The following ENKUR variants were observed in gnomAD, a reference collection of about 807,000 sequenced individuals.
ENKUR encodes enkurin, TRPC channel interacting protein, also known as enkurin.
ENKUR carries 19 observed loss-of-function variants against 27.6 expected under a neutral mutation model. The observed-to-expected ratio is 0.69, with a 90% CI of 0.48 to 1.01. The LOEUF (loss-of-function observed/expected upper bound fraction) is 1.01, where lower values mean the gene tolerates loss of function less well. Ranked by LOEUF, ENKUR falls within the 50% of genes least tolerant of loss-of-function variation. The probability of loss-of-function intolerance (pLI) is 0.00; values close to 1 mark genes in which losing one functional copy is unlikely to be tolerated. For missense variants in ENKUR, 312 were observed against 310.5 expected (o/e 1.00, Z -0.04); for synonymous variants, 117 against 96.9 (o/e 1.21, Z -1.22).
At chr10:25,035,558 GGA>G (rs1491140495) in intron 2 of ENKUR, among the ~76,000 whole-genome samples, 3,042 of 134,590 alleles carry the variant, frequency 0.023, 82 homozygotes, top group African/African-American at 0.071. Context: ...TCTGTCTCAA[GGA>G]AAAAAAAAAA....
chr10:25,060,568 A>C (rs1006991236), intron 2 of ENKUR, among the ~76,000 whole-genome samples: 1 of 152,184 alleles, frequency 6.6e-6, no homozygotes, highest in African/African-American at 2.4e-5. Flanking sequence ...GTTTTCCAAG[A>C]GGGAACTTTT....
At chr10:25,002,952 CTT>C (rs1850222467) in intron 1 of ENKUR, among the ~76,000 whole-genome samples, 1 of 151,844 alleles carries the variant, frequency 6.6e-6, no homozygotes, top group Admixed American at 6.6e-5. Flanking sequence ...ACTTCCACCT[CTT>C]TTAAATTTGT....
At chr10:24,997,816 T>C (rs1306373017) in intron 2 of ENKUR, among the ~76,000 whole-genome samples, 3 of 151,404 alleles carry the variant, frequency 2.0e-5, no homozygotes, top group African/African-American at 7.3e-5. Context: ...TTTATATATA[T>C]ATATATATAT....
In ENKUR at chr10:24,984,280, G is replaced by A; in HGVS notation, c.*90C>T. ...TGCATTTGTGGAGCTCAGAAACAAT[G>A]TGTTGGAGACAGTTTAGAGTAGCAA... On this transcript the variant is annotated 3_prime_UTR_variant, in exon 6 of 6. Coordinates refer to ENST00000331161, the MANE Select transcript of ENKUR (RefSeq NM_145010.4). The A allele has an allele frequency of 1.4e-6, 2 of 1,387,904 alleles. No homozygotes were observed. Among genetic ancestry groups the A allele is most frequent in the Non-Finnish European group, 2.0e-6 (2 of 1,013,258 alleles). The allele number at this position is 1,387,904 out of a possible 1,614,324, so 86.0% of individuals were successfully genotyped here.
chr10:25,051,744 A>G (rs1021204054), intron 2 of ENKUR, among the ~76,000 whole-genome samples: 13 of 152,252 alleles, frequency 8.5e-5, no homozygotes, highest in African/African-American at 2.7e-4. Context: ...CAAATATCCA[A>G]ACTATATCAG....
intron 1 of ENKUR, among the ~76,000 whole-genome samples, chr10:25,011,795 C>T (rs138893027): frequency 4.1e-4 from 62 of 152,244 alleles, no homozygotes; most frequent in African/African-American, 1.4e-3. Context: ...CCCGATGATG[C>T]AATAGAAAAG....
rs993993357 is a variant in ENKUR, at chr10:24,982,690, T to A, written c.*1680A>T. The A allele has an allele frequency of 2.0e-5, 3 of 152,180 alleles. No individual in the cohort carries two copies. Among genetic ancestry groups the A allele is most frequent in the African/African-American group, 7.2e-5 (3 of 41,458 alleles). 9.4% of individuals were successfully genotyped at this position (152,180 alleles called of 1,614,324 possible). On this transcript the variant is annotated 3_prime_UTR_variant, in exon 6 of 6. Coordinates refer to ENST00000331161, the MANE Select transcript of ENKUR (RefSeq NM_145010.4). Reference sequence around the variant, plus strand: ...GTGTATGGATTGGGGGAGGTTGAACTGGCTCTATCCAAGTTTGGGATCCCG... The same window carrying A: ...GTGTATGGATTGGGGGAGGTTGAACAGGCTCTATCCAAGTTTGGGATCCCG...
chr10:25,058,040 G>A (rs949608232), intron 2 of ENKUR, among the ~76,000 whole-genome samples: 4 of 152,122 alleles, frequency 2.6e-5, no homozygotes, highest in Admixed American at 6.5e-5. Context: ...AAGAGTGGAC[G>A]GAGGTGAGTG....
intron 2 of ENKUR, among the ~76,000 whole-genome samples, chr10:25,032,942 A>G (rs1213528006): frequency 6.6e-6 from 1 of 152,164 alleles, no homozygotes; most frequent in African/African-American, 2.4e-5. Context: ...CTCTTAATAA[A>G]TTTATTTTAT....
rs1208301534 is a variant in ENKUR, at chr10:25,004,247, T to A, written c.78-4701A>T. Among the ~76,000 whole-genome samples the A allele has an allele frequency of 2.6e-5, 4 of 152,332 alleles. No individual in the cohort carries two copies. In the East Asian group the frequency reaches 5.8e-4, roughly 22 times the overall value. On this transcript the variant is annotated intron_variant, in intron 1 of 5. Coordinates refer to ENST00000331161, the MANE Select transcript of ENKUR (RefSeq NM_145010.4). The stretch of plus-strand genomic sequence containing the variant: ...GTGCTGCAATGAACCTAGGCATGCA[T>A]GTGTCTTTATAATAGAACAATTTCT...
chr10:24,984,380 C>CATA lies in ENKUR; in HGVS notation c.765-5_765-4insTAT. 4.0e-6 allele frequency: 5 copies of CATA among 1,237,202 alleles called. No homozygotes were observed. The highest frequency in any genetic ancestry group is 5.2e-6 in the Non-Finnish European group (5 of 969,380). The allele number at this position is 1,237,202 out of a possible 1,614,324, so 76.6% of individuals were successfully genotyped here. A position where few individuals can be genotyped will look rare whatever the true frequency, so the allele number is the denominator to read the frequency against. ...GTTGTGCTGTTGGTATCATGCGCTG[C>CATA]AGAAAAAAAAAAAAAAAAGTGAAGT... On this transcript the variant is annotated splice_polypyrimidine_tract_variant and splice_region_variant and intron_variant, in intron 5 of 5. Transcript: ENST00000331161.
chr10:24,990,671 G>A (rs771687309), intron 3 of ENKUR, 62 bp from the exon 4 acceptor site: 130 of 1,437,532 alleles, frequency 9.0e-5, no homozygotes, highest in Non-Finnish European at 1.1e-4. Context: ...ATATGGGTAC[G>A]TATCAACTGA....
At chr10:24,986,999 G>T (rs1564333976) in intron 4 of ENKUR, among the ~76,000 whole-genome samples, 1 of 152,084 alleles carries the variant, frequency 6.6e-6, no homozygotes, top group African/African-American at 2.4e-5. Flanking sequence ...TGCTCCTTTT[G>T]CACCCTCGCC....
upstream of ENKUR, among the ~76,000 whole-genome samples, chr10:25,020,469 A>G (rs1299674437): frequency 6.6e-6 from 1 of 152,126 alleles, no homozygotes; most frequent in Non-Finnish European, 1.5e-5. Context: ...GCGGAAGAAA[A>G]GATGAAAGAT....
At chr10:24,986,941 A>C (rs920386316) in intron 4 of ENKUR, among the ~76,000 whole-genome samples, 1 of 152,082 alleles carries the variant, frequency 6.6e-6, no homozygotes, top group African/African-American at 2.4e-5. Flanking sequence ...TTTTGGAAAA[A>C]ATTCAGACAG....
At chr10:25,024,892 G>A (rs1387475949) in intron 2 of ENKUR, 2 of 1,613,782 alleles carry the variant, frequency 1.2e-6, no homozygotes, top group Admixed American at 3.3e-5. Flanking sequence ...AAGAAAACTA[G>A]CACAAACCTT....
rs76044238 is a variant in ENKUR at position 25,006,683 on chromosome 10, G to A, written c.78-7137C>T. Among the ~76,000 whole-genome samples the A allele has an allele frequency of 3.4e-4, 52 of 152,204 alleles. No homozygotes were observed. In the Middle Eastern group the frequency reaches 0.01, roughly 30 times the overall value. On this transcript the variant is annotated intron_variant, in intron 1 of 5. Transcript: ENST00000331161. Reference sequence around the variant, plus strand: ...TTAGAACAAGGTTGTGTATAAACACGAAATAGTATCTGATATATAATAAAT... The same window carrying A: ...TTAGAACAAGGTTGTGTATAAACACAAAATAGTATCTGATATATAATAAAT...
chr10:25,013,422 C>A (rs1204653516), intron 1 of ENKUR, among the ~76,000 whole-genome samples: 1 of 152,170 alleles, frequency 6.6e-6, no homozygotes, highest in Non-Finnish European at 1.5e-5. Context: ...ATGGGAGAGA[C>A]CAACCTTAGT....
chr10:25,057,395 A>ACG (rs1851273013), intron 2 of ENKUR, among the ~76,000 whole-genome samples: 1 of 142,274 alleles, frequency 7.0e-6, no homozygotes, highest in Non-Finnish European at 1.5e-5. Flanking sequence ...ACACACACAC[A>ACG]CACACACACA....
Sources: allele counts gnomAD v4.1 joint callset (sites outside exome capture counted in the v4.1 genomes callset), GRCh38; gene constraint gnomAD v4.1.1; transcripts MANE v1.5; gene names NCBI Gene and HGNC (gene_info 2026-07-23, HGNC 2026-07-21).